ADAM10: variants seen among roughly 807,000 people sequenced by gnomAD.
ADAM10 encodes ADAM metallopeptidase domain 10, also known as disintegrin and metalloproteinase domain-containing protein 10.
Under a neutral mutation model 90.1 loss-of-function variants are expected in ADAM10, and 17 were observed. The observed-to-expected ratio is 0.19, with a 90% confidence interval of 0.13 to 0.28. ADAM10 has a LOEUF of 0.28. ADAM10 is among the 10% of genes least tolerant of loss of function. ADAM10 has a pLI of 1.00. For missense variants in ADAM10, 610 were observed against 914.3 expected, an observed-to-expected ratio of 0.67 and a Z score of 4.29; for synonymous variants, 310 against 298.6, an observed-to-expected ratio of 1.04 and a Z score of -0.40.
intron 4 of ADAM10, among the ~76,000 whole-genome samples, chr15:58,676,554 T>C (rs1470683838): frequency 6.6e-6 from 1 of 152,170 alleles, no homozygotes; most frequent in African/African-American, 2.4e-5. Flanking sequence ...AAGGGTAGCT[T>C]CCACATTTTT....
chr15:58,667,926 A>G (rs771961576), intron 4 of ADAM10, among the ~76,000 whole-genome samples: 1 of 152,072 alleles, frequency 6.6e-6, no homozygotes, highest in East Asian at 1.9e-4. Flanking sequence ...GTAAGTGGGC[A>G]TAAGAAAAGC....
chr15:58,731,703 AG>A (rs1457146152), intron 1 of ADAM10, among the ~76,000 whole-genome samples: 27 of 152,302 alleles, frequency 1.8e-4, no homozygotes, highest in Admixed American at 6.5e-4. Flanking sequence ...AAGCACCCTG[AG>A]GTGACCCCAC....
At chr15:58,627,187 T>C (rs1277263397) in intron 10 of ADAM10, among the ~76,000 whole-genome samples, 1 of 152,126 alleles carries the variant, frequency 6.6e-6, no homozygotes, top group Non-Finnish European at 1.5e-5. Flanking sequence ...GGGTATAAAC[T>C]GTATACTTTC....
rs564777535 is a variant in ADAM10 at position 58,703,346 on chromosome 15, T to C, written c.206+14231A>G. 3.3e-4 allele frequency among the ~76,000 whole-genome samples: 49 copies of C among 148,704 alleles called. 3 individuals carry two copies. In the South Asian group the frequency reaches 0.01, roughly 31 times the overall value. ...ATACCATATGATCCAACAATTCCAC[T>C]TGTAGGTATATACCCAAAGAAACTG... is the stretch of plus-strand genomic sequence containing the variant. On this transcript the variant is annotated intron_variant, in intron 2 of 15. Transcript: ENST00000260408.
chr15:58,654,707 T>G (rs1203609030), intron 5 of ADAM10, among the ~76,000 whole-genome samples: 1 of 152,210 alleles, frequency 6.6e-6, no homozygotes, highest in Non-Finnish European at 1.5e-5. Flanking sequence ...TATCGTTTGT[T>G]TCAAGAAATT....
chr15:58,656,316 G>A (rs1419238562), intron 5 of ADAM10, among the ~76,000 whole-genome samples: 2 of 152,016 alleles, frequency 1.3e-5, no homozygotes, highest in East Asian at 1.9e-4. Context: ...GACATTCAAT[G>A]TTATTACTGA....
At chr15:58,727,205 TC>T (rs34158903) in intron 1 of ADAM10, among the ~76,000 whole-genome samples, 17,700 of 88,936 alleles carry the variant, frequency 0.2, 3,826 homozygotes, top group East Asian at 0.54. Context: ...TTTTTTTTTT[TC>T]CCAAAAACAG....
chr15:58,699,032 T>C (rs1898057728), intron 2 of ADAM10, among the ~76,000 whole-genome samples: 1 of 151,960 alleles, frequency 6.6e-6, no homozygotes, highest in Non-Finnish European at 1.5e-5. Flanking sequence ...AAGAGAGAAT[T>C]CTAAAAACAA....
chr15:58,628,999 T>C (rs972801), intron 9 of ADAM10, among the ~76,000 whole-genome samples: 71,126 of 152,032 alleles, frequency 0.47, 19,850 homozygotes, highest in East Asian at 0.84. Context: ...TATTCACCAA[T>C]ATTATCTTGC....
intron 1 of ADAM10, among the ~76,000 whole-genome samples, chr15:58,730,117 G>A (rs921685384): frequency 1.3e-5 from 2 of 151,956 alleles, no homozygotes; most frequent in African/African-American, 4.8e-5. Flanking sequence ...TTGGTTCCAA[G>A]TATTTCAAAT....
At chr15:58,671,601 T>C (rs1596051498) in intron 4 of ADAM10, among the ~76,000 whole-genome samples, 1 of 152,202 alleles carries the variant, frequency 6.6e-6, no homozygotes, top group Non-Finnish European at 1.5e-5. Flanking sequence ...TGGCCAGGCA[T>C]GGTGGCTCAC....
At chr15:58,634,455 T>G (rs368112097) in intron 8 of ADAM10, among the ~76,000 whole-genome samples, 2 of 152,214 alleles carry the variant, frequency 1.3e-5, no homozygotes. Context: ...ATATTTCCAC[T>G]TAAATATTTT....
intron 11 of ADAM10, among the ~76,000 whole-genome samples, chr15:58,620,098 A>G (rs1895736135): frequency 6.6e-6 from 1 of 152,150 alleles, no homozygotes; most frequent in East Asian, 1.9e-4. Flanking sequence ...TACATCACAC[A>G]TTAGTTAATT....
At chr15:58,610,542 G>A (rs201235288) in intron 13 of ADAM10, 25 bp from the exon 14 acceptor site, 8 of 1,599,214 alleles carry the variant, frequency 5.0e-6, no homozygotes, top group Non-Finnish European at 2.6e-6. Flanking sequence ...CCAAATATAA[G>A]CTGAAGGTCA....
intron 3 of ADAM10, among the ~76,000 whole-genome samples, chr15:58,680,613 T>G (rs1897408169): frequency 6.6e-6 from 1 of 152,116 alleles, no homozygotes; most frequent in Middle Eastern, 3.2e-3. Context: ...AACGAAAAGG[T>G]GAGCACCAAA....
At chr15:58,746,826 AAAG>A (rs1420323118) in intron 1 of ADAM10, among the ~76,000 whole-genome samples, 1 of 152,190 alleles carries the variant, frequency 6.6e-6, no homozygotes, top group Non-Finnish European at 1.5e-5. Context: ...GAAGTTTTAA[AAAG>A]ATGAAGAGTC....
Position 58,642,402 on chromosome 15 carries a change from C to T in ADAM10, c.829-1442G>A, listed in dbSNP as rs1896438919. Among the ~76,000 whole-genome samples the T allele has an allele frequency of 2.6e-5, 4 of 151,638 alleles. No individual in the cohort carries two copies. In the South Asian group the frequency reaches 6.3e-4, roughly 24 times the overall value. ...ATCGCTTGAAACTGGAAGGCAGAGG[C>T]TGCAGTGAGCCGAGATTGCGCCACT... On this transcript the variant is annotated intron_variant, in intron 7 of 15. Coordinates refer to ENST00000260408, the MANE Select transcript of ADAM10 (RefSeq NM_001110.4).
chr15:58,714,292 T>TACATAC (rs1555421243), intron 2 of ADAM10, among the ~76,000 whole-genome samples: 1 of 142,914 alleles, frequency 7.0e-6, no homozygotes, highest in East Asian at 2.0e-4. Context: ...TACATACACA[T>TACATAC]ACACACACAC....
At chr15:58,666,190 T>C (rs1897079642) in intron 4 of ADAM10, among the ~76,000 whole-genome samples, 1 of 150,822 alleles carries the variant, frequency 6.6e-6, no homozygotes, top group Admixed American at 6.6e-5. Context: ...CCTTATTCAG[T>C]TTAAATCCCA....
Sources: gnomAD v4.1 joint callset for allele counts (sites outside exome capture counted in the v4.1 genomes callset) on GRCh38, gnomAD v4.1.1 for gene constraint, MANE v1.5 for transcripts, NCBI Gene and HGNC (gene_info 2026-07-23, HGNC 2026-07-21) for gene names.